The following CCNT2 variants were observed in gnomAD, a reference collection of about 807,000 sequenced individuals.
The protein encoded by CCNT2 is cyclin-T2.
CCNT2 carries 18 observed loss-of-function variants against 70.0 expected under a neutral mutation model. That is an observed-to-expected ratio of 0.26 (90% CI 0.18 to 0.38). CCNT2 has a LOEUF of 0.38. CCNT2 is among the 10% of genes least tolerant of loss of function. The pLI is 1.00. For missense variants in CCNT2, 734 were observed against 890.2 expected (o/e 0.82, Z 2.23); for synonymous variants, 334 against 313.3 (o/e 1.07, Z -0.70).
chr2:134,944,503 G>C (rs1681806560), intron 5 of CCNT2: 1 of 964,280 alleles, frequency 1.0e-6, no homozygotes, highest in African/African-American at 1.8e-5. Flanking sequence ...AAAAATTCTA[G>C]AGACATGAAG....
Position 134,954,733 on chromosome 2 carries a change from A to AACTT in CCNT2, c.*87_*88insTTAC. Reference sequence around the variant, plus strand: ...AAATTCCTTCTGATCTAGCAGTGGTAACCCCTGCTGTTGCTGCCACTGCTT... The same window carrying AACTT: ...AAATTCCTTCTGATCTAGCAGTGGTAACTTACCCCTGCTGTTGCTGCCACTGCTT... On this transcript the variant is annotated 3_prime_UTR_variant, in exon 9 of 9. Coordinates refer to ENST00000264157, the MANE Select transcript of CCNT2 (RefSeq NM_058241.3). 1 of 816,912 alleles carries AACTT rather than the reference A, an allele frequency of 1.2e-6. No homozygotes were observed. Among genetic ancestry groups the AACTT allele is most frequent in the South Asian group, 1.6e-5 (1 of 61,378 alleles). 50.6% of individuals were successfully genotyped at this position (816,912 alleles called of 1,614,324 possible).
Position 134,958,716 on chromosome 2 carries a change from G to T in CCNT2, c.*4068G>T, listed in dbSNP as rs1371444000. ...TCTATTTTTGTAATACATTTTGCCA[G>T]TGGGACTGAAAAGCTCAAAATGTTT... is the stretch of plus-strand genomic sequence containing the variant. On this transcript the variant is annotated 3_prime_UTR_variant, in exon 9 of 9. Transcript: ENST00000264157. The T allele has an allele frequency of 6.6e-6, 1 of 152,186 alleles. No homozygotes were observed. Among genetic ancestry groups the T allele is most frequent in the Admixed American group, 6.5e-5 (1 of 15,286 alleles). The allele number at this position is 152,186 out of a possible 1,614,324, so 9.4% of individuals were successfully genotyped here.
chr2:134,943,884 T>C (rs1681751855), intron 5 of CCNT2: 1 of 976,198 alleles, frequency 1.0e-6, no homozygotes, highest in Non-Finnish European at 1.2e-6. Flanking sequence ...TTTAGATTTA[T>C]CCTAAACAAA....
Position 134,944,237 on chromosome 2 carries a change from A to G in CCNT2, c.493+1563A>G, listed in dbSNP as rs547701596. The G allele has an allele frequency of 3.3e-5, 32 of 981,898 alleles. No homozygotes were observed. The African/African-American group carries it at 3.8e-4, about 12-fold the overall frequency. The allele number at this position is 981,898 out of a possible 1,614,324, so 60.8% of individuals were successfully genotyped here. A position where few individuals can be genotyped will look rare whatever the true frequency, so the allele number is the denominator to read the frequency against. On this transcript the variant is annotated intron_variant, in intron 5 of 8. Coordinates refer to ENST00000264157, the MANE Select transcript of CCNT2 (RefSeq NM_058241.3). ...ACTAGTTGTAGTTGTTGAATTAAGG[A>G]AAAAGGGTTAGTTTTTTCTAAGAAC...
At chr2:134,937,634 G>A (rs546370646) in intron 3 of CCNT2, among the ~76,000 whole-genome samples, 4 of 152,196 alleles carry the variant, frequency 2.6e-5, no homozygotes, top group East Asian at 1.9e-4. Flanking sequence ...AAAAATTTTC[G>A]GCCAGGCACA....
rs1419395338 is a variant in CCNT2, at chr2:134,936,774, A to G, written c.241-67A>G. 2.1e-6 allele frequency: 3 copies of G among 1,460,394 alleles called. No individual in the cohort carries two copies. In the East Asian group the frequency reaches 7.0e-5, roughly 34 times the overall value. The allele number at this position is 1,460,394 out of a possible 1,614,324, so 90.5% of individuals were successfully genotyped here. A position where few individuals can be genotyped will look rare whatever the true frequency, so the allele number is the denominator to read the frequency against. On this transcript the variant is annotated intron_variant, in intron 2 of 8. Coordinates refer to ENST00000264157, the MANE Select transcript of CCNT2 (RefSeq NM_058241.3). ...CACCTCAAAAAAAAAACAGAAAAGA[A>G]AAGAAAATAGAGGGTTTTTTGAAAT...
In CCNT2 at chr2:134,956,678, AT is replaced by A. The variant is rs1051760218; in HGVS notation, c.*2034del. The stretch of plus-strand genomic sequence containing the variant: ...ATAATTGGGGGTGATAATACCAGGA[AT>A]TTTAATAAGATTTTGTAAAGAATAT... On this transcript the variant is annotated 3_prime_UTR_variant, in exon 9 of 9. Transcript: ENST00000264157. 1 of 152,460 alleles carries A rather than the reference AT, an allele frequency of 6.6e-6. No homozygotes were observed. The highest frequency in any genetic ancestry group is 2.4e-5 in the African/African-American group (1 of 41,446). 9.4% of individuals were successfully genotyped at this position (152,460 alleles called of 1,614,324 possible).
chr2:134,932,244 G>A (rs1315393221), intron 2 of CCNT2, among the ~76,000 whole-genome samples: 4 of 151,980 alleles, frequency 2.6e-5, no homozygotes, highest in Admixed American at 1.3e-4. Context: ...CAGGTGATCC[G>A]CCCGTCTTGG....
rs1039395213 is a variant in CCNT2 at position 134,954,737 on chromosome 2, C to T, written c.*89C>T. Reference sequence around the variant, plus strand: ...TCCTTCTGATCTAGCAGTGGTAACCCCTGCTGTTGCTGCCACTGCTTCAAT... The same window carrying T: ...TCCTTCTGATCTAGCAGTGGTAACCTCTGCTGTTGCTGCCACTGCTTCAAT... On this transcript the variant is annotated 3_prime_UTR_variant, in exon 9 of 9. Transcript: ENST00000264157. The T allele has an allele frequency of 4.0e-6, 3 of 757,190 alleles. No homozygotes were observed. The African/African-American group carries it at 5.3e-5, about 13-fold the overall frequency. The allele number at this position is 757,190 out of a possible 1,614,324, so 46.9% of individuals were successfully genotyped here. A position where few individuals can be genotyped will look rare whatever the true frequency, so the allele number is the denominator to read the frequency against.
chr2:134,953,677 C>A lies in CCNT2; in HGVS notation c.1222C>A (p.Gln408Lys). Residue 408 changes from glutamine (Q) to lysine (K), a missense_variant, in exon 9 of 9, where the codon CAA (glutamine) becomes AAA (lysine). Coordinates refer to ENST00000264157, the MANE Select transcript of CCNT2 (RefSeq NM_058241.3). ...DKISDHSSVK[Q>K]EYTHKAGSSK... ...AATTTCAGATCATTCTTCTGTTAAG[C>A]AAGAATATACTCATAAAGCAGGGAG... The A allele has an allele frequency of 6.2e-7, 1 of 1,613,654 alleles. No individual in the cohort carries two copies. Among genetic ancestry groups the A allele is most frequent in the Non-Finnish European group, 8.5e-7 (1 of 1,179,570 alleles).
intron 7 of CCNT2, 38 bp downstream of exon 7, chr2:134,947,937 C>CAACTTAGA: frequency 8.0e-7 from 1 of 1,249,898 alleles, no homozygotes; most frequent in Non-Finnish European, 1.1e-6. Context: ...TTGGAATTAT[C>CAACTTAGA]TAAGTTGGCA....
At chr2:134,921,963 CTTTT>C (rs1321742745) in intron 2 of CCNT2, among the ~76,000 whole-genome samples, 1 of 152,028 alleles carries the variant, frequency 6.6e-6, no homozygotes, top group Admixed American at 6.6e-5. Context: ...TATCTGTTGT[CTTTT>C]TTTACCTTTG....
rs772395329 is a variant in CCNT2, at chr2:134,918,863, G to A, written c.9G>A (p.Ser3=). 1.2e-6 allele frequency: 2 copies of A among 1,613,146 alleles called. No individual in the cohort carries two copies. The highest frequency in any genetic ancestry group is 1.3e-5 in the African/African-American group (1 of 74,940). The change falls in exon 1 of 9, where the codon TCG becomes TCA. Residue 3 remains serine, a synonymous_variant. Transcript: ENST00000264157. The part of the protein sequence containing the change: MA[S]GRGASSRWFF... ...GCGGAGGAGGAAGTGTCATGGCGTC[G>A]GGCCGTGGAGCTTCTTCTCGCTGGT...
At chr2:134,950,175 T>G (rs937790277) in intron 7 of CCNT2, among the ~76,000 whole-genome samples, 10 of 152,208 alleles carry the variant, frequency 6.6e-5, no homozygotes, top group African/African-American at 1.9e-4. Flanking sequence ...CCTTTTATCC[T>G]GTCTTTAGGT....
chr2:134,930,244 T>C (rs1486936166), intron 2 of CCNT2, among the ~76,000 whole-genome samples: 4 of 152,242 alleles, frequency 2.6e-5, no homozygotes, highest in East Asian at 1.9e-4. Flanking sequence ...AATGGAATCA[T>C]GTATATATGG....
rs1356356070 is a variant in CCNT2 at position 134,958,443 on chromosome 2, T to TA, written c.*3798dup. 1.3e-5 allele frequency: 2 copies of TA among 152,180 alleles called. No individual in the cohort carries two copies. Among genetic ancestry groups the TA allele is most frequent in the Non-Finnish European group, 2.9e-5 (2 of 68,022 alleles). 9.4% of individuals were successfully genotyped at this position (152,180 alleles called of 1,614,324 possible). ...ATGAGGGATCAACAAATCTCACACTTAAACTAAATGAGTTGACAGGACAAT... is the reference window on the plus strand; with the variant it reads ...ATGAGGGATCAACAAATCTCACACTTAAAACTAAATGAGTTGACAGGACAAT... On this transcript the variant is annotated 3_prime_UTR_variant, in exon 9 of 9. Transcript: ENST00000264157.
rs150305935 is a variant in CCNT2 at position 134,949,179 on chromosome 2, C to G, written c.703+1280C>G. On this transcript the variant is annotated intron_variant, in intron 7 of 8. Transcript: ENST00000264157. ...GGGACCATAGGCGCATGCCACCACGCCCAGCTAAGTTTTGTATTTTTAGTA... is the reference window on the plus strand; with the variant it reads ...GGGACCATAGGCGCATGCCACCACGGCCAGCTAAGTTTTGTATTTTTAGTA... Among the ~76,000 whole-genome samples, 2,910 of 152,206 alleles carry G rather than the reference C, an allele frequency of 0.019. 217 individuals are homozygous for G. The East Asian group carries it at 0.28, about 15-fold the overall frequency.
rs760897766 is a variant in CCNT2 at position 134,938,958 on chromosome 2, GTTATTT to G, written c.370-36_370-31del. On this transcript the variant is annotated intron_variant, in intron 3 of 8. Coordinates refer to ENST00000264157, the MANE Select transcript of CCNT2 (RefSeq NM_058241.3). ...TGTAACAGTCATGCAGTCTAGTAAT[GTTATTT>G]TTATTTTAATCAATTTGATAATATT... 18 of 1,274,512 alleles carry G rather than the reference GTTATTT, an allele frequency of 1.4e-5. No homozygotes were observed. In the East Asian group the frequency reaches 4.2e-4, roughly 30 times the overall value. The allele number at this position is 1,274,512 out of a possible 1,614,324, so 79.0% of individuals were successfully genotyped here.
intron 2 of CCNT2, among the ~76,000 whole-genome samples, chr2:134,922,788 A>G (rs1246942030): frequency 1.3e-5 from 2 of 151,888 alleles, no homozygotes; most frequent in Non-Finnish European, 2.9e-5. Flanking sequence ...TTTGTGATGC[A>G]TTTTTTTTCT....
Sources: gnomAD v4.1 joint callset for allele counts (sites outside exome capture counted in the v4.1 genomes callset) on GRCh38, gnomAD v4.1.1 for gene constraint, MANE v1.5 for transcripts, NCBI Gene and HGNC (gene_info 2026-07-23, HGNC 2026-07-21) for gene names.